The following ANKFN1 variants were observed in gnomAD, a reference collection of about 807,000 sequenced individuals.
The protein encoded by ANKFN1 is ankyrin repeat and fibronectin type III domain containing 1.
ANKFN1 carries 74 observed loss-of-function variants against 108.7 expected under a neutral mutation model. The ratio of observed to expected loss-of-function variants is 0.68; its 90% CI spans 0.56 to 0.83. The LOEUF (loss-of-function observed/expected upper bound fraction) is 0.83. Ranked by LOEUF, ANKFN1 falls within the 40% of genes least tolerant of loss-of-function variation. The pLI is 0.00. For missense variants in ANKFN1, 1,505 were observed against 1,382.3 expected, an observed-to-expected ratio of 1.09 and a Z score of -1.41; for synonymous variants, 547 against 516.2, an observed-to-expected ratio of 1.06 and a Z score of -0.81.
At chr17:56,288,651 C>G (rs1412633824) in intron 3 of ANKFN1, among the ~76,000 whole-genome samples, 1 of 152,152 alleles carries the variant, frequency 6.6e-6, no homozygotes, top group Non-Finnish European at 1.5e-5. Context: ...CAAGAGTCCA[C>G]ATAGACCAAT....
At chr17:56,329,636 A>C (rs149059867) in intron 4 of ANKFN1, among the ~76,000 whole-genome samples, 23 of 152,266 alleles carry the variant, frequency 1.5e-4, no homozygotes, top group African/African-American at 5.3e-4. Flanking sequence ...CTCAATTTCT[A>C]TCTGTGTAAA....
chr17:56,234,759 G>A (rs1419167019), intron 3 of ANKFN1, among the ~76,000 whole-genome samples: 1 of 151,968 alleles, frequency 6.6e-6, no homozygotes, highest in African/African-American at 2.4e-5. Context: ...TCATTCATGG[G>A]CATTTAGGTT....
chr17:56,427,670 A>G (rs934692248), intron 8 of ANKFN1, among the ~76,000 whole-genome samples: 1 of 152,154 alleles, frequency 6.6e-6, no homozygotes, highest in African/African-American at 2.4e-5. Flanking sequence ...TCAGTCAGCG[A>G]AAGTCCAATA....
chr17:56,262,346 C>T (rs538513607), intron 3 of ANKFN1, among the ~76,000 whole-genome samples: 1 of 152,240 alleles, frequency 6.6e-6, no homozygotes, highest in South Asian at 2.1e-4. Flanking sequence ...GGTTTCAATC[C>T]GTCGCAGCCA....
intron 2 of ANKFN1, among the ~76,000 whole-genome samples, chr17:56,218,921 C>T (rs1415102841): frequency 1.3e-5 from 2 of 151,954 alleles, no homozygotes; most frequent in Non-Finnish European, 2.9e-5. Context: ...AAAATTTTGC[C>T]TTCATCTGAT....
At chr17:56,143,727 A>G (rs1246547323) in intron 4 of ANKFN1, among the ~76,000 whole-genome samples, 2 of 152,212 alleles carry the variant, frequency 1.3e-5, no homozygotes, top group African/African-American at 4.8e-5. Flanking sequence ...TCCTTATAAG[A>G]TAAAGGAGAG....
chr17:56,232,400 A>G (rs769601497), intron 3 of ANKFN1, among the ~76,000 whole-genome samples: 2 of 152,094 alleles, frequency 1.3e-5, no homozygotes, highest in African/African-American at 2.4e-5. Context: ...TTTTAATAGC[A>G]CTTTAGTCCT....
chr17:56,289,380 T>G (rs943340049), intron 3 of ANKFN1, among the ~76,000 whole-genome samples: 5 of 152,186 alleles, frequency 3.3e-5, no homozygotes, highest in Non-Finnish European at 5.9e-5. Flanking sequence ...CCTCTAATTC[T>G]GCTTCCAAGG....
chr17:56,188,567 GTGTGTGTGTGTGTGTATA>G (rs1288079793), intron 1 of ANKFN1, among the ~76,000 whole-genome samples: 32 of 103,640 alleles, frequency 3.1e-4, no homozygotes, highest in African/African-American at 1.4e-3. Flanking sequence ...GTGTGTATGT[GTGTGTGTGTGTGTGTATA>G]TATATATATA....
At chr17:56,350,066 C>A (rs1168625593) in intron 4 of ANKFN1, among the ~76,000 whole-genome samples, 1 of 152,134 alleles carries the variant, frequency 6.6e-6, no homozygotes, top group Non-Finnish European at 1.5e-5. Flanking sequence ...TTGGTGAGGA[C>A]CTCGTTAGAG....
rs944577347 is a variant in ANKFN1, at chr17:56,309,207, A to G, written c.54-17014A>G. ...AGACATTACTTTTTTTGATGTTTCTAAATTATAGATTCAATTTCCTTAATG... is the reference window on the plus strand; with the variant it reads ...AGACATTACTTTTTTTGATGTTTCTGAATTATAGATTCAATTTCCTTAATG... On this transcript the variant is annotated intron_variant, in intron 3 of 20. Coordinates refer to ENST00000682825, the MANE Select transcript of ANKFN1 (RefSeq NM_001370326.1). Among the ~76,000 whole-genome samples the G allele has an allele frequency of 7.9e-5, 12 of 152,182 alleles. No homozygotes were observed. The East Asian group carries it at 1.5e-3, about 20-fold the overall frequency.
At chr17:56,385,157 A>G (rs1172715603) in intron 8 of ANKFN1, among the ~76,000 whole-genome samples, 1 of 151,928 alleles carries the variant, frequency 6.6e-6, no homozygotes, top group African/African-American at 2.4e-5. Context: ...GCCCTCAGAA[A>G]TAATGCCACA....
chr17:56,300,392 C>T (rs947991837), intron 3 of ANKFN1, among the ~76,000 whole-genome samples: 3 of 152,160 alleles, frequency 2.0e-5, no homozygotes, highest in East Asian at 1.9e-4. Flanking sequence ...CTGAAATCCA[C>T]GTTGCCAAGT....
At chr17:56,085,139 A>G (rs1905292617) in intron 4 of ANKFN1, among the ~76,000 whole-genome samples, 1 of 148,164 alleles carries the variant, frequency 6.7e-6, no homozygotes, top group African/African-American at 2.5e-5. Flanking sequence ...AATGTTAAAT[A>G]TTTCATAGTT....
chr17:56,087,010 T>C (rs1905327468), intron 4 of ANKFN1, among the ~76,000 whole-genome samples: 1 of 151,282 alleles, frequency 6.6e-6, no homozygotes, highest in Admixed American at 6.6e-5. Flanking sequence ...TTGAAGATCA[T>C]CGATGATATG....
At chr17:56,234,204 G>A (rs568606580) in intron 3 of ANKFN1, among the ~76,000 whole-genome samples, 1 of 152,244 alleles carries the variant, frequency 6.6e-6, no homozygotes, top group African/African-American at 2.4e-5. Context: ...TAATTAGGAA[G>A]ATGTGCAGTA....
At chr17:56,167,264 TATATATATAC>T (rs1384115065) in intron 1 of ANKFN1, among the ~76,000 whole-genome samples, 6 of 60,742 alleles carry the variant, frequency 9.9e-5, no homozygotes, top group South Asian at 6.4e-4. Context: ...TGTGTGTGTA[TATATATATAC>T]ATATATATAT....
rs112236957 is a variant in ANKFN1, at chr17:56,457,776, T to A, written c.1441-87T>A. 3.7e-4 allele frequency: 365 copies of A among 993,648 alleles called. No homozygotes were observed. The African/African-American group carries it at 4.5e-3, about 12-fold the overall frequency. The allele number at this position is 993,648 out of a possible 1,614,324, so 61.6% of individuals were successfully genotyped here. On this transcript the variant is annotated intron_variant, in intron 13 of 20. Transcript: ENST00000682825. ...TGGAGAATAAACATCAGGGGTCAGA[T>A]TTCTTTCTCCCTGCTTTGCTTTGAT...
chr17:56,480,656 C>A lies in ANKFN1; in HGVS notation c.1941-12C>A, dbSNP rs370786383. 3 of 1,612,290 alleles carry A rather than the reference C, an allele frequency of 1.9e-6. No homozygotes were observed. In the Admixed American group the frequency reaches 5.0e-5, roughly 27 times the overall value. Reference sequence around the variant, plus strand: ...TGTTATATTTCTAATTTTAACTTGACTCAACATACAGAGAGGAATGGGAAT... The same window carrying A: ...TGTTATATTTCTAATTTTAACTTGAATCAACATACAGAGAGGAATGGGAAT... On this transcript the variant is annotated splice_polypyrimidine_tract_variant and intron_variant, in intron 16 of 20. Coordinates refer to ENST00000682825, the MANE Select transcript of ANKFN1 (RefSeq NM_001370326.1).
Sources: gnomAD v4.1 joint callset for allele counts (sites outside exome capture counted in the v4.1 genomes callset) on GRCh38, gnomAD v4.1.1 for gene constraint, MANE v1.5 for transcripts, NCBI Gene and HGNC (gene_info 2026-07-23, HGNC 2026-07-21) for gene names.